The following DMXL1 variants were observed in gnomAD, a reference collection of about 807,000 sequenced individuals.
DMXL1 encodes the protein dmX-like protein 1.
A neutral mutation model predicts 319.2 loss-of-function variants in DMXL1; 99 were observed. The observed-to-expected ratio is 0.31, with a 90% CI of 0.26 to 0.37. The LOEUF is 0.37. Among genes scored for constraint, DMXL1 ranks in the 10% least tolerant of loss-of-function variants. The pLI is 1.00. For missense variants in DMXL1, 3,745 were observed against 3,595.6 expected (o/e 1.04, Z -1.06); for synonymous variants, 1,385 against 1,235.2 (o/e 1.12, Z -2.54).
At chr5:119,238,744 A>G (rs1788213673) in intron 40 of DMXL1, 2 of 236,104 alleles carry the variant, frequency 8.5e-6, no homozygotes, top group South Asian at 1.6e-4. Context: ...GGTGTCTACA[A>G]ATATGAAAGA....
intron 9 of DMXL1, among the ~76,000 whole-genome samples, chr5:119,121,448 C>A (rs541617655): frequency 6.6e-6 from 1 of 151,996 alleles, no homozygotes; most frequent in Admixed American, 6.6e-5. Context: ...GTGTTTGTGT[C>A]CCTGGGTACT....
chr5:119,084,485 C>T (rs1394231628), intron 1 of DMXL1, among the ~76,000 whole-genome samples: 1 of 152,102 alleles, frequency 6.6e-6, no homozygotes, highest in African/African-American at 2.4e-5. Context: ...GTGGCTCCAC[C>T]TAAATTTTAG....
intron 15 of DMXL1, among the ~76,000 whole-genome samples, chr5:119,145,445 A>T (rs1430538643): frequency 2.6e-5 from 4 of 151,890 alleles, no homozygotes; most frequent in East Asian, 3.9e-4. Flanking sequence ...AATACACTTT[A>T]TGTGTTTTTT....
chr5:119,188,184 A>G (rs192486853), intron 28 of DMXL1, among the ~76,000 whole-genome samples: 5 of 152,180 alleles, frequency 3.3e-5, no homozygotes, highest in African/African-American at 1.2e-4. Context: ...TGACATACTA[A>G]TCTTGGCAAA....
At chr5:119,224,473 A>G (rs1285500919) in intron 37 of DMXL1, among the ~76,000 whole-genome samples, 1 of 152,046 alleles carries the variant, frequency 6.6e-6, no homozygotes, top group Non-Finnish European at 1.5e-5. Flanking sequence ...GGGAAGACTA[A>G]ATTCTTGAAA....
chr5:119,182,722 CA>C (rs1199722742), intron 28 of DMXL1, among the ~76,000 whole-genome samples: 1 of 151,942 alleles, frequency 6.6e-6, no homozygotes, highest in Non-Finnish European at 1.5e-5. Context: ...TTAACTTAAT[CA>C]AATTTTTTTT....
chr5:119,247,161 C>T lies in DMXL1; in HGVS notation c.9089C>T (p.Pro3030Leu). 6.2e-7 allele frequency: 1 copy of T among 1,613,980 alleles called. No individual in the cohort carries two copies. The highest frequency in any genetic ancestry group is 8.5e-7 in the Non-Finnish European group (1 of 1,179,976). ...ADGTMKMRILPDQFSPLNEVL... is the reference protein window; with the variant it reads ...ADGTMKMRILLDQFSPLNEVL... ...GGAACAATGAAAATGAGAATACTGC[C>T]AGATCAGTTTAGCCCTTTAAATGAA... Residue 3030 changes from proline to leucine, a missense_variant, in exon 44 of 44, where the codon CCA becomes CTA. Physicochemically the swap from Pro to Leu is moderately conservative, Grantham distance 98. Around this residue, in one of 4 missense-constraint regions of DMXL1, gnomAD observed 262 missense variants for 320.5 expected, o/e 0.82. Coordinates refer to ENST00000539542, the MANE Select transcript of DMXL1 (RefSeq NM_001290321.3).
intron 1 of DMXL1, among the ~76,000 whole-genome samples, chr5:119,072,723 A>G (rs1023396685): frequency 6.6e-6 from 1 of 152,190 alleles, no homozygotes; most frequent in Non-Finnish European, 1.5e-5. Flanking sequence ...TAATGCCTGA[A>G]TTGTACTTTT....
chr5:119,095,937 A>G (rs1289093754), intron 1 of DMXL1, among the ~76,000 whole-genome samples: 1 of 152,140 alleles, frequency 6.6e-6, no homozygotes, highest in Non-Finnish European at 1.5e-5. Flanking sequence ...CCAGGCAAGC[A>G]TGTTAACTAG....
intron 30 of DMXL1, among the ~76,000 whole-genome samples, 197 bp downstream of exon 30, chr5:119,194,167 G>T (rs1240059688): frequency 6.6e-6 from 1 of 151,926 alleles, no homozygotes; most frequent in Non-Finnish European, 1.5e-5. Flanking sequence ...TTGTAACTCA[G>T]ATTTCTTTAG....
At chr5:119,142,517 T>TAAAAAAAAAA (rs148846123) in intron 13 of DMXL1, among the ~76,000 whole-genome samples, 5 of 62,312 alleles carry the variant, frequency 8.0e-5, no homozygotes, top group African/African-American at 1.1e-4. Flanking sequence ...TATTAAAAAG[T>TAAAAAAAAAA]AAAAAAAAAA....
intron 37 of DMXL1, among the ~76,000 whole-genome samples, chr5:119,222,118 C>G (rs889231571): frequency 6.6e-6 from 1 of 151,910 alleles, no homozygotes; most frequent in African/African-American, 2.4e-5. Context: ...TTAATAATAC[C>G]TTGTAATATT....
intron 2 of DMXL1, among the ~76,000 whole-genome samples, chr5:119,098,954 A>G (rs1283829512): frequency 3.3e-5 from 5 of 152,212 alleles, no homozygotes; most frequent in Non-Finnish European, 1.5e-5. Context: ...TAAACTTTCT[A>G]GGATTAAAAG....
At chr5:119,157,108 T>C (rs1771265737) in intron 19 of DMXL1, among the ~76,000 whole-genome samples, 1 of 151,932 alleles carries the variant, frequency 6.6e-6, no homozygotes, top group African/African-American at 2.4e-5. Context: ...TGCCTCAGCC[T>C]CTCAAATAGC....
intron 30 of DMXL1, among the ~76,000 whole-genome samples, chr5:119,195,261 T>A (rs562569419): frequency 2.0e-5 from 3 of 152,138 alleles, no homozygotes; most frequent in Non-Finnish European, 4.4e-5. Flanking sequence ...CCTGAAAATA[T>A]TGAAAACAGG....
At chr5:119,176,021 T>G (rs1054993950) in intron 26 of DMXL1, among the ~76,000 whole-genome samples, 3 of 152,066 alleles carry the variant, frequency 2.0e-5, no homozygotes, top group Admixed American at 1.3e-4. Context: ...AACTTTCCCC[T>G]CCTATATTCC....
At chr5:119,120,923 G>T (rs766298162) in intron 8 of DMXL1, 48 bp from the exon 9 acceptor site, 5 of 1,463,272 alleles carry the variant, frequency 3.4e-6, no homozygotes, top group Non-Finnish European at 3.7e-6. Context: ...ACCTATACGT[G>T]TATGACTTTT....
At chr5:119,102,721 A>G (rs142186722) in intron 3 of DMXL1, among the ~76,000 whole-genome samples, 1 of 152,250 alleles carries the variant, frequency 6.6e-6, no homozygotes, top group African/African-American at 2.4e-5. Flanking sequence ...TTTGAGCCCA[A>G]AAATTTGAGG....
At chr5:119,157,579 A>G (rs1042129696) in intron 19 of DMXL1, among the ~76,000 whole-genome samples, 2 of 152,200 alleles carry the variant, frequency 1.3e-5, no homozygotes, top group African/African-American at 2.4e-5. Context: ...TGAAGAAACT[A>G]TCCTTTCCCA....
Sources: allele counts gnomAD v4.1 joint callset (sites outside exome capture counted in the v4.1 genomes callset), GRCh38; gene constraint gnomAD v4.1.1; regional missense constraint gnomAD v4.1.1; transcripts MANE v1.5; gene names NCBI Gene and HGNC (gene_info 2026-07-23, HGNC 2026-07-21).